NEGR1: variants seen among roughly 807,000 people sequenced by gnomAD.
The protein encoded by NEGR1 is IgLON family member 4.
A neutral mutation model predicts 40.9 loss-of-function variants in NEGR1; 10 were observed. The ratio of observed to expected loss-of-function variants is 0.24; its 90% confidence interval spans 0.15 to 0.42. The LOEUF (loss-of-function observed/expected upper bound fraction) is 0.42. Ranked by LOEUF, NEGR1 falls within the 10% of genes least tolerant of loss-of-function variation. The pLI is 1.00. For synonymous variants in NEGR1, 185 were observed against 166.8 expected, an observed-to-expected ratio of 1.11 and a Z score of -0.84; for missense variants, 352 against 438.9, an observed-to-expected ratio of 0.80 and a Z score of 1.77.
chr1:71,945,080 T>C (rs1323688109), intron 1 of NEGR1, among the ~76,000 whole-genome samples: 1 of 152,160 alleles, frequency 6.6e-6, no homozygotes, highest in Non-Finnish European at 1.5e-5. Context: ...CTTTGCTAGA[T>C]CTTATTTTTT....
chr1:71,878,225 A>T (rs907318786), intron 2 of NEGR1, among the ~76,000 whole-genome samples: 1 of 152,172 alleles, frequency 6.6e-6, no homozygotes, highest in African/African-American at 2.4e-5. Flanking sequence ...ATTACAACAT[A>T]CCTGTATAAA....
At chr1:71,669,476 T>A (rs1652345808) in intron 4 of NEGR1, among the ~76,000 whole-genome samples, 1 of 152,174 alleles carries the variant, frequency 6.6e-6, no homozygotes, top group Admixed American at 6.5e-5. Flanking sequence ...TTTTTTAGTT[T>A]AGAATATGTT....
chr1:72,273,902 T>C (rs563724786), intron 1 of NEGR1, among the ~76,000 whole-genome samples: 1 of 151,754 alleles, frequency 6.6e-6, no homozygotes, highest in East Asian at 1.9e-4. Context: ...ATTCAAAAAT[T>C]AGTAGATATT....
chr1:72,052,529 C>A (rs1450494028), intron 1 of NEGR1, among the ~76,000 whole-genome samples: 2 of 151,382 alleles, frequency 1.3e-5, no homozygotes, highest in African/African-American at 4.8e-5. Context: ...TATTTCCAAT[C>A]AAAAACAGGA....
At chr1:72,117,500 T>C (rs1276800752) in intron 1 of NEGR1, among the ~76,000 whole-genome samples, 4 of 151,752 alleles carry the variant, frequency 2.6e-5, no homozygotes, top group East Asian at 1.9e-4. Context: ...TAGGCACATA[T>C]AAAACATCTA....
chr1:72,182,166 G>A (rs1422681434), intron 1 of NEGR1, among the ~76,000 whole-genome samples: 1 of 152,104 alleles, frequency 6.6e-6, no homozygotes, highest in African/African-American at 2.4e-5. Flanking sequence ...ATATCCTGTT[G>A]TATACCTTAA....
At chr1:71,918,392 C>CA (rs1291712554) in intron 2 of NEGR1, among the ~76,000 whole-genome samples, 1 of 151,568 alleles carries the variant, frequency 6.6e-6, no homozygotes, top group Admixed American at 6.6e-5. Context: ...AGTTGGGGAA[C>CA]AAAAAAACAC....
At chr1:71,752,314 T>C (rs1655597691) in intron 3 of NEGR1, among the ~76,000 whole-genome samples, 1 of 152,176 alleles carries the variant, frequency 6.6e-6, no homozygotes, top group Non-Finnish European at 1.5e-5. Context: ...AAAGAAGTCA[T>C]AGATAATACA....
At chr1:71,524,435 T>A (rs1434414399) in intron 6 of NEGR1, among the ~76,000 whole-genome samples, 3 of 150,910 alleles carry the variant, frequency 2.0e-5, no homozygotes, top group African/African-American at 7.3e-5. Flanking sequence ...ATGAAAATCA[T>A]TACCTTTTTA....
At chr1:71,749,375 AGTT>A (rs1655493946) in intron 3 of NEGR1, among the ~76,000 whole-genome samples, 1 of 152,222 alleles carries the variant, frequency 6.6e-6, no homozygotes, top group South Asian at 2.1e-4. Context: ...CCTAAACCTC[AGTT>A]GTTATTTTTC....
chr1:71,739,906 A>G (rs1655162209), intron 3 of NEGR1, among the ~76,000 whole-genome samples: 1 of 152,202 alleles, frequency 6.6e-6, no homozygotes, highest in African/African-American at 2.4e-5. Flanking sequence ...TAGAATCTCT[A>G]CCATGTACCT....
At chr1:72,104,622 T>A (rs959776843) in intron 1 of NEGR1, among the ~76,000 whole-genome samples, 1 of 152,174 alleles carries the variant, frequency 6.6e-6, no homozygotes. Flanking sequence ...ATTGTAGTAA[T>A]ATGCTACACA....
At chr1:71,795,935 T>C (rs1360054140) in intron 2 of NEGR1, among the ~76,000 whole-genome samples, 1 of 152,134 alleles carries the variant, frequency 6.6e-6, no homozygotes, top group Non-Finnish European at 1.5e-5. Flanking sequence ...GGCTGAACTT[T>C]GGGGATCATT....
intron 2 of NEGR1, among the ~76,000 whole-genome samples, chr1:71,902,131 C>G (rs1283819260): frequency 6.6e-6 from 1 of 152,122 alleles, no homozygotes; most frequent in Admixed American, 6.6e-5. Flanking sequence ...ATTCCTATTT[C>G]ACAGACTTAG....
chr1:71,794,985 T>C (rs1169662737), intron 2 of NEGR1, among the ~76,000 whole-genome samples: 1 of 152,098 alleles, frequency 6.6e-6, no homozygotes, highest in East Asian at 1.9e-4. Flanking sequence ...TTTGAATTAC[T>C]TGACAAGAAG....
At chr1:71,435,979 T>C (rs1197720618) in intron 6 of NEGR1, among the ~76,000 whole-genome samples, 1 of 152,148 alleles carries the variant, frequency 6.6e-6, no homozygotes, top group African/African-American at 2.4e-5. Flanking sequence ...TAAAGCTCAC[T>C]ACACACAGTA....
intron 2 of NEGR1, among the ~76,000 whole-genome samples, chr1:71,886,099 C>T (rs556990094): frequency 3.2e-4 from 49 of 152,048 alleles, no homozygotes; most frequent in Non-Finnish European, 6.5e-4. Flanking sequence ...CAAGGCTGAA[C>T]GCTAATATTT....
intron 3 of NEGR1, among the ~76,000 whole-genome samples, chr1:71,705,663 C>A (rs538082452): frequency 5.3e-4 from 80 of 151,458 alleles, no homozygotes; most frequent in Non-Finnish European, 1.1e-3. Context: ...GAGCTTGCAA[C>A]GAGCTGAGAT....
rs1646002816 is a variant in NEGR1 at position 71,944,881 on chromosome 1, C to A, written c.177-9570G>T. 2.0e-5 allele frequency among the ~76,000 whole-genome samples: 3 copies of A among 152,204 alleles called. No homozygotes were observed. The South Asian group carries it at 6.2e-4, about 32-fold the overall frequency. On this transcript the variant is annotated intron_variant, in intron 1 of 6. Coordinates refer to ENST00000357731, the MANE Select transcript of NEGR1 (RefSeq NM_173808.3). ...AATCAGTTACTATAGTAGCCATTAA[C>A]CCATATTTGTCTGTCTTCTCGAGAA... is the stretch of plus-strand genomic sequence containing the variant.
Sources: allele counts gnomAD v4.1 joint callset (sites outside exome capture counted in the v4.1 genomes callset), GRCh38; gene constraint gnomAD v4.1.1; transcripts MANE v1.5; gene names NCBI Gene and HGNC (gene_info 2026-07-23, HGNC 2026-07-21).